EEF2K: variants seen among roughly 807,000 people sequenced by gnomAD.
EEF2K encodes the protein eukaryotic elongation factor 2 kinase, also known as alternative protein EEF2K.
A neutral mutation model predicts 93.8 loss-of-function variants in EEF2K; 70 were observed. The observed-to-expected ratio is 0.75, with a 90% CI of 0.62 to 0.91. The LOEUF is 0.91. Ranked by LOEUF, EEF2K falls within the 40% of genes least tolerant of loss-of-function variation. EEF2K has a pLI of 0.00. For synonymous variants in EEF2K, 376 were observed against 380.8 expected (o/e 0.99, Z 0.15); for missense variants, 935 against 972.9 (o/e 0.96, Z 0.52).
At chr16:22,210,311 C>T (rs905358515) in intron 1 of EEF2K, among the ~76,000 whole-genome samples, 7 of 152,156 alleles carry the variant, frequency 4.6e-5, no homozygotes, top group South Asian at 2.1e-4. Flanking sequence ...AGGAAGCACC[C>T]GGAAGTAGGT....
chr16:22,248,727 G>A lies in EEF2K; in HGVS notation c.348-28G>A, dbSNP rs375664601. ...GAAACAGGACCACGTGATGGACGCTGTGCCCCATGGTGGATGGGTCTCTGC... is the reference window on the plus strand; with the variant it reads ...GAAACAGGACCACGTGATGGACGCTATGCCCCATGGTGGATGGGTCTCTGC... On this transcript the variant is annotated intron_variant, in intron 3 of 17. Transcript: ENST00000263026. 146 of 1,613,066 alleles carry A rather than the reference G, an allele frequency of 9.1e-5. No homozygotes were observed. In the Middle Eastern group the frequency reaches 1.3e-3, roughly 15 times the overall value.
At chr16:22,279,998 A>AAATG (rs1289358280) in intron 16 of EEF2K, among the ~76,000 whole-genome samples, 200 bp from the exon 17 acceptor site, 1 of 139,902 alleles carries the variant, frequency 7.1e-6, no homozygotes, top group Non-Finnish European at 1.5e-5. Flanking sequence ...TCTGTCTCAA[A>AAATG]AATGAATGAA....
intron 2 of EEF2K, 53 bp downstream of exon 2, chr16:22,226,028 A>G: frequency 6.3e-7 from 1 of 1,597,406 alleles, no homozygotes; most frequent in Non-Finnish European, 8.5e-7. Context: ...GCTGTAAGGG[A>G]TGGAGGGTTG....
chr16:22,256,705 G>A (rs368760106), intron 6 of EEF2K, 43 bp from the exon 7 acceptor site: 4 of 1,596,074 alleles, frequency 2.5e-6, no homozygotes, highest in African/African-American at 2.7e-5. Context: ...CAGAGGAGGT[G>A]CGCCTGGGCC....
intron 15 of EEF2K, among the ~76,000 whole-genome samples, chr16:22,267,747 A>G (rs994955382): frequency 2.6e-5 from 4 of 152,104 alleles, no homozygotes; most frequent in Admixed American, 2.6e-4. Context: ...CCGTGTAGCT[A>G]GAGGTGCAGG....
chr16:22,280,153 G>T lies in EEF2K; in HGVS notation c.1890-45G>T, dbSNP rs750632144. ...TGGAAGGCCCTCCTCCTGCCACCCT[G>T]TTGCCATGGTAACCTCCACCTTTCC... On this transcript the variant is annotated intron_variant, in intron 16 of 17. Transcript: ENST00000263026. 8.4e-6 allele frequency: 12 copies of T among 1,426,050 alleles called. No homozygotes were observed. The South Asian group carries it at 2.0e-4, about 24-fold the overall frequency. The allele number at this position is 1,426,050 out of a possible 1,614,324, so 88.3% of individuals were successfully genotyped here. A position where few individuals can be genotyped will look rare whatever the true frequency, so the allele number is the denominator to read the frequency against.
chr16:22,207,460 C>T (rs1172537118), intron 1 of EEF2K, among the ~76,000 whole-genome samples: 1 of 152,178 alleles, frequency 6.6e-6, no homozygotes, highest in East Asian at 1.9e-4. Flanking sequence ...CTCATTTATG[C>T]TCTCTGGCCC....
chr16:22,207,915 G>T (rs559802498), intron 1 of EEF2K, among the ~76,000 whole-genome samples: 1 of 152,314 alleles, frequency 6.6e-6, no homozygotes, highest in Non-Finnish European at 1.5e-5. Context: ...CTGAGCTGGG[G>T]AAGAGGCAGG....
In EEF2K at chr16:22,225,715, G is replaced by T; in HGVS notation, c.-15G>T. 2 of 1,612,132 alleles carry T rather than the reference G, an allele frequency of 1.2e-6. No individual in the cohort carries two copies. The highest frequency in any genetic ancestry group is 1.1e-5 in the South Asian group (1 of 90,806). On this transcript the variant is annotated 5_prime_UTR_variant, in exon 2 of 18. Coordinates refer to ENST00000263026, the MANE Select transcript of EEF2K (RefSeq NM_013302.5). ...GTGCCGGATACTGCTTGGGTAAAAC[G>T]GGCACCCCAGGAACATGGCAGACGA...
intron 2 of EEF2K, among the ~76,000 whole-genome samples, chr16:22,237,594 C>T (rs1004393783): frequency 1.1e-4 from 16 of 149,556 alleles, no homozygotes; most frequent in African/African-American, 3.5e-4. Context: ...CTGCAGGCTG[C>T]GCAACAGAGT....
chr16:22,252,446 A>G (rs927645402), intron 6 of EEF2K, among the ~76,000 whole-genome samples: 4 of 152,190 alleles, frequency 2.6e-5, no homozygotes, highest in South Asian at 2.1e-4. Flanking sequence ...AGAAGTTCCA[A>G]TAAAAGTCCC....
intron 2 of EEF2K, among the ~76,000 whole-genome samples, chr16:22,226,387 T>C (rs1005951755): frequency 6.7e-6 from 1 of 149,774 alleles, no homozygotes; most frequent in Non-Finnish European, 1.5e-5. Flanking sequence ...ACAGCAACTA[T>C]TGGGGAACAT....
chr16:22,281,152 C>T (rs992969134), intron 17 of EEF2K, among the ~76,000 whole-genome samples: 6 of 152,100 alleles, frequency 3.9e-5, no homozygotes, highest in African/African-American at 1.2e-4. Context: ...GTCTTGAACT[C>T]CTGACCTCAG....
At chr16:22,257,506 G>A in intron 8 of EEF2K, 121 bp downstream of exon 8, 1 of 1,546,584 alleles carries the variant, frequency 6.5e-7, no homozygotes, top group Non-Finnish European at 8.7e-7. Flanking sequence ...AGATCATGGA[G>A]ATGGGAGCCT....
intron 6 of EEF2K, among the ~76,000 whole-genome samples, chr16:22,255,678 T>G: frequency 6.6e-6 from 1 of 152,144 alleles, no homozygotes; most frequent in Non-Finnish European, 1.5e-5. Flanking sequence ...ACAAGAGGAT[T>G]GCTTGAGGCC....
intron 3 of EEF2K, among the ~76,000 whole-genome samples, chr16:22,245,463 C>T (rs972130194): frequency 6.6e-6 from 1 of 151,964 alleles, no homozygotes; most frequent in African/African-American, 2.4e-5. Context: ...GGAGGTTAAC[C>T]TGCCAGGCCT....
intron 1 of EEF2K, among the ~76,000 whole-genome samples, chr16:22,223,262 GTTTTTTTTTT>G (rs58446693): frequency 9.3e-6 from 1 of 107,478 alleles, no homozygotes; most frequent in African/African-American, 3.4e-5. Flanking sequence ...GTTTTTTTCT[GTTTTTTTTTT>G]TTTTTTTTGG....
In EEF2K at chr16:22,264,848, T is replaced by C. The variant is rs1227374123; in HGVS notation, c.1408T>C (p.Ser470Pro). 2 of 1,613,830 alleles carry C rather than the reference T, an allele frequency of 1.2e-6. No individual in the cohort carries two copies. The highest frequency in any genetic ancestry group is 1.7e-5 in the Admixed American group (1 of 60,002). ...CTCATACAGTAATCGGAAGTACGAG[T>C]CTGACGAAGACAGCCTGGGCAGCTC... is the stretch of plus-strand genomic sequence containing the variant. ...GHSYSNRKYE[S>P]DEDSLGSSGR... Residue 470 changes from serine to proline, a missense_variant, in exon 13 of 18, where the codon TCT becomes CCT. Transcript: ENST00000263026.
rs995315737 is a variant in EEF2K, at chr16:22,285,409, A to G, written c.*1413A>G. The G allele has an allele frequency of 3.9e-5, 6 of 151,996 alleles. No homozygotes were observed. Among genetic ancestry groups the G allele is most frequent in the Admixed American group, 1.3e-4 (2 of 15,242 alleles). 9.4% of individuals were successfully genotyped at this position (151,996 alleles called of 1,614,324 possible). A position where few individuals can be genotyped will look rare whatever the true frequency, so the allele number is the denominator to read the frequency against. ...GGATGAGAGGGCAAGAACTATAAAC[A>G]CTCATTAATTCTAGTAGTCTCCCCA... On this transcript the variant is annotated 3_prime_UTR_variant, in exon 18 of 18. Transcript: ENST00000263026.
Sources: gnomAD v4.1 joint callset for allele counts (sites outside exome capture counted in the v4.1 genomes callset) on GRCh38, gnomAD v4.1.1 for gene constraint, MANE v1.5 for transcripts, NCBI Gene and HGNC (gene_info 2026-07-23, HGNC 2026-07-21) for gene names.